NR6A1: variants seen among roughly 807,000 people sequenced by gnomAD.
NR6A1 encodes the protein nuclear receptor subfamily 6 group A member 1, also known as retinoic acid receptor-related testis-associated receptor.
A neutral mutation model predicts 59.1 loss-of-function variants in NR6A1; 7 were observed. That is an observed-to-expected ratio of 0.12 (90% CI 0.07 to 0.22). NR6A1 has a LOEUF of 0.22. NR6A1 is among the 10% of genes least tolerant of loss of function. NR6A1 has a pLI of 1.00. For missense variants in NR6A1, 468 were observed against 611.6 expected (o/e 0.77, Z 2.48); for synonymous variants, 243 against 236.1 (o/e 1.03, Z -0.27).
chr9:124,522,802 A>C lies in NR6A1; in HGVS notation c.1355-9T>G. ...CACATTCACCATCTTTCCTGGGAACAAGGGGGGAGAAGAAGAGTTAGCAGT... is the reference window on the plus strand; with the variant it reads ...CACATTCACCATCTTTCCTGGGAACCAGGGGGGAGAAGAAGAGTTAGCAGT... On this transcript the variant is annotated splice_polypyrimidine_tract_variant and intron_variant, in intron 9 of 9. Coordinates refer to ENST00000487099, the MANE Select transcript of NR6A1 (RefSeq NM_033334.4). The C allele has an allele frequency of 6.4e-7, 1 of 1,570,968 alleles. No homozygotes were observed. The highest frequency in any genetic ancestry group is 8.6e-7 in the Non-Finnish European group (1 of 1,157,874).
At chr9:124,731,991 C>T (rs997248657) in intron 2 of NR6A1, among the ~76,000 whole-genome samples, 3 of 152,176 alleles carry the variant, frequency 2.0e-5, no homozygotes, top group Admixed American at 2.0e-4. Context: ...TGGGGCTATA[C>T]TATCTAATAC....
chr9:124,552,810 T>A (rs1833815362), intron 3 of NR6A1, among the ~76,000 whole-genome samples: 1 of 152,182 alleles, frequency 6.6e-6, no homozygotes, highest in Non-Finnish European at 1.5e-5. Context: ...TAATAAATTA[T>A]AAACCACCTA....
chr9:124,639,491 T>C (rs1488295627), intron 2 of NR6A1, among the ~76,000 whole-genome samples: 2 of 152,196 alleles, frequency 1.3e-5, no homozygotes, highest in Non-Finnish European at 1.5e-5. Context: ...CAAGGTCTCA[T>C]GGCTAGTTAC....
intron 2 of NR6A1, among the ~76,000 whole-genome samples, chr9:124,558,911 G>A (rs1012201724): frequency 2.0e-5 from 3 of 152,084 alleles, no homozygotes; most frequent in Admixed American, 1.3e-4. Flanking sequence ...GCCCCTAATC[G>A]TGCCTGGCCA....
At chr9:124,740,275 G>A (rs931780416) in intron 1 of NR6A1, among the ~76,000 whole-genome samples, 1 of 152,106 alleles carries the variant, frequency 6.6e-6, no homozygotes. Flanking sequence ...ACTCAAGTCT[G>A]AGTTAGGCAC....
intron 2 of NR6A1, among the ~76,000 whole-genome samples, chr9:124,659,729 G>A (rs1013736521): frequency 6.6e-6 from 1 of 152,144 alleles, no homozygotes; most frequent in African/African-American, 2.4e-5. Context: ...GTAAAAGCAT[G>A]ACCCTTTAAG....
intron 1 of NR6A1, among the ~76,000 whole-genome samples, chr9:124,748,861 T>C (rs144010121): frequency 0.041 from 5,699 of 139,712 alleles, 332 homozygotes; most frequent in African/African-American, 0.13. Flanking sequence ...CGAGACTCTG[T>C]CTCAAAAAAA....
intron 7 of NR6A1, among the ~76,000 whole-genome samples, chr9:124,535,505 G>A (rs1833233270): frequency 6.6e-6 from 1 of 152,146 alleles, no homozygotes; most frequent in African/African-American, 2.4e-5. Flanking sequence ...TTGAACCCGG[G>A]AGGCAAGAGT....
At chr9:124,578,235 T>TA (rs1834662156) in intron 2 of NR6A1, among the ~76,000 whole-genome samples, 1 of 152,190 alleles carries the variant, frequency 6.6e-6, no homozygotes, top group South Asian at 2.1e-4. Context: ...TGCCATATAG[T>TA]AGTAATGCCT....
chr9:124,733,486 T>C lies in NR6A1; in HGVS notation c.101-137A>G, dbSNP rs1474764321. 4.4e-6 allele frequency: 3 copies of C among 677,954 alleles called. No homozygotes were observed. The East Asian group carries it at 8.0e-5, about 18-fold the overall frequency. The allele number at this position is 677,954 out of a possible 1,614,324, so 42.0% of individuals were successfully genotyped here. On this transcript the variant is annotated intron_variant, in intron 1 of 9. Coordinates refer to ENST00000487099, the MANE Select transcript of NR6A1 (RefSeq NM_033334.4). Reference sequence around the variant, plus strand: ...GGGTTTCAATCCTAGCTCTAACATTTAGCTACTACATATCCCTCTGAGCCT... The same window carrying C: ...GGGTTTCAATCCTAGCTCTAACATTCAGCTACTACATATCCCTCTGAGCCT...
At chr9:124,546,318 A>G (rs992257679) in intron 3 of NR6A1, among the ~76,000 whole-genome samples, 3 of 152,272 alleles carry the variant, frequency 2.0e-5, no homozygotes, top group African/African-American at 7.2e-5. Context: ...AAAGAGCAGA[A>G]TCAGGGTTGG....
At chr9:124,537,612 A>G (rs1362567789) in intron 6 of NR6A1, among the ~76,000 whole-genome samples, 1 of 152,152 alleles carries the variant, frequency 6.6e-6, no homozygotes. Context: ...AGAAGTGACT[A>G]AAGACTGAAA....
intron 2 of NR6A1, among the ~76,000 whole-genome samples, chr9:124,723,818 C>A (rs1367780022): frequency 6.6e-6 from 1 of 152,088 alleles, no homozygotes; most frequent in African/African-American, 2.4e-5. Context: ...AAAAGGAAGG[C>A]AGAGAGTTTA....
At position 124,665,008 on chromosome 9, in the gene NR6A1, TCCAAAAAAAAAA is replaced by T. The variant is rs1450164554; in HGVS notation, c.142+68288_142+68299del. On this transcript the variant is annotated intron_variant, in intron 2 of 9. Coordinates refer to ENST00000487099, the MANE Select transcript of NR6A1 (RefSeq NM_033334.4). ...GGCAATATAATAAGATCCTTGTATC[TCCAAAAAAAAAA>T]AAAAAAAAAAAAAAAAGGTAAAAAT... Among the ~76,000 whole-genome samples the T allele has an allele frequency of 1.1e-3, 28 of 24,678 alleles. No homozygotes were observed. The Admixed American group carries it at 0.013, about 11-fold the overall frequency. The allele number at this position is 24,678 out of a possible 152,430, so 16.2% of individuals were successfully genotyped here.
chr9:124,765,826 G>T (rs765009067), intron 1 of NR6A1, among the ~76,000 whole-genome samples: 2 of 152,150 alleles, frequency 1.3e-5, no homozygotes, highest in Non-Finnish European at 2.9e-5. Flanking sequence ...AATGAAGAAC[G>T]AAATACCGTA....
intron 7 of NR6A1, among the ~76,000 whole-genome samples, chr9:124,532,822 T>C (rs912988452): frequency 6.6e-6 from 1 of 152,226 alleles, no homozygotes; most frequent in South Asian, 2.1e-4. Context: ...ATGTGGCTGG[T>C]GCAAATGAGA....
At chr9:124,690,245 A>G (rs1838488294) in intron 2 of NR6A1, among the ~76,000 whole-genome samples, 4 of 152,220 alleles carry the variant, frequency 2.6e-5, no homozygotes, top group Admixed American at 6.5e-5. Flanking sequence ...TGAAGCAAAC[A>G]TGCTACTAAT....
At chr9:124,612,820 T>TC (rs34986199) in intron 2 of NR6A1, among the ~76,000 whole-genome samples, 1 of 148,766 alleles carries the variant, frequency 6.7e-6, no homozygotes, top group Non-Finnish European at 1.5e-5. Flanking sequence ...TTTCTTTCTT[T>TC]TCTTTCTTTC....
chr9:124,693,600 G>T, intron 2 of NR6A1: 1 of 428,976 alleles, frequency 2.3e-6, no homozygotes, highest in Non-Finnish European at 4.9e-6. Context: ...CATGCAGATG[G>T]CTGGTTACTA....
Sources: gnomAD v4.1 joint callset for allele counts (sites outside exome capture counted in the v4.1 genomes callset) on GRCh38, gnomAD v4.1.1 for gene constraint, MANE v1.5 for transcripts, NCBI Gene and HGNC (gene_info 2026-07-23, HGNC 2026-07-21) for gene names.